DPP3: variants seen among roughly 807,000 people sequenced by gnomAD.
The protein encoded by DPP3 is DPP III.
Under a neutral mutation model 89.8 loss-of-function variants are expected in DPP3, and 64 were observed. The ratio of observed to expected loss-of-function variants is 0.71; its 90% CI spans 0.58 to 0.88. DPP3 has a LOEUF of 0.88. Ranked by LOEUF, DPP3 falls within the 40% of genes least tolerant of loss-of-function variation. DPP3 has a pLI of 0.00. For synonymous variants in DPP3, 377 were observed against 404.3 expected, an observed-to-expected ratio of 0.93 and a Z score of 0.81; for missense variants, 835 against 972.5, an observed-to-expected ratio of 0.86 and a Z score of 1.88.
At chr11:66,488,245 C>G (rs1222637393) in intron 6 of DPP3, among the ~76,000 whole-genome samples, 1 of 152,228 alleles carries the variant, frequency 6.6e-6, no homozygotes, top group Non-Finnish European at 1.5e-5. Flanking sequence ...GGTCTCAAGC[C>G]TACCCTGGAG....
In DPP3 at chr11:66,507,484, A is replaced by C. The variant is rs183762323; in HGVS notation, c.2042-1595A>C. 1.4e-3 allele frequency among the ~76,000 whole-genome samples: 215 copies of C among 151,880 alleles called. No individual in the cohort carries two copies. In the South Asian group the frequency reaches 0.017, roughly 12 times the overall value. On this transcript the variant is annotated intron_variant, in intron 17 of 17. Transcript: ENST00000531863. ...TCCATCTAAAAAAAAAAATAATAATAATAATCATCATCATAATCATACAAG... is the reference window on the plus strand; with the variant it reads ...TCCATCTAAAAAAAAAAATAATAATCATAATCATCATCATAATCATACAAG...
At chr11:66,508,600 G>A (rs139763492) in intron 17 of DPP3, among the ~76,000 whole-genome samples, 30 of 152,152 alleles carry the variant, frequency 2.0e-4, no homozygotes, top group African/African-American at 6.0e-4. Flanking sequence ...TCTGCTCACC[G>A]CAACCTCTGC....
intron 6 of DPP3, 143 bp from the exon 7 acceptor site, chr11:66,491,110 G>A (rs1168509277): frequency 1.6e-6 from 2 of 1,277,438 alleles, no homozygotes; most frequent in Non-Finnish European, 2.2e-6. Context: ...GCTCATGTCT[G>A]TTGGCTACAG....
intron 12 of DPP3, among the ~76,000 whole-genome samples, chr11:66,494,198 A>T (rs1278349166): frequency 1.3e-5 from 2 of 152,104 alleles, no homozygotes; most frequent in African/African-American, 4.8e-5. Flanking sequence ...ATACCTACCC[A>T]GGGAATATGG....
rs1855238510 is a variant in DPP3 at position 66,486,678 on chromosome 11, G to A, written c.498+1G>A. On this transcript the variant is annotated splice_donor_variant, in intron 4 of 17. Transcript: ENST00000531863. LOFTEE classifies it high-confidence loss of function. ...TCGACACCTCGGACTGGGGAAGGAG[G>A]TGAGGCCCCTGACTCCCCCGAGGGG... 6.6e-7 allele frequency: 1 copy of A among 1,514,888 alleles called. No individual in the cohort carries two copies. The highest frequency in any genetic ancestry group is 8.8e-7 in the Non-Finnish European group (1 of 1,130,064). The allele number at this position is 1,514,888 out of a possible 1,614,324, so 93.8% of individuals were successfully genotyped here. A position where few individuals can be genotyped will look rare whatever the true frequency, so the allele number is the denominator to read the frequency against.
intron 6 of DPP3, among the ~76,000 whole-genome samples, chr11:66,488,587 G>A (rs141859140): frequency 6.6e-6 from 1 of 151,122 alleles, no homozygotes; most frequent in Admixed American, 6.6e-5. Flanking sequence ...AAAAAAAAGA[G>A]GCTGGCCCTT....
At chr11:66,492,209 G>A (rs1178919097) in intron 9 of DPP3, among the ~76,000 whole-genome samples, 1 of 152,184 alleles carries the variant, frequency 6.6e-6, no homozygotes, top group South Asian at 2.1e-4. Context: ...CTCAGTGGCT[G>A]GAAGCAGGAT....
intron 11 of DPP3, 115 bp from the exon 12 acceptor site, chr11:66,493,426 G>A: frequency 1.8e-6 from 2 of 1,100,566 alleles, no homozygotes; most frequent in Admixed American, 4.7e-5. Flanking sequence ...AGCACAGTTG[G>A]CCTTTACCAA....
At position 66,495,193 on chromosome 11, in the gene DPP3, G is replaced by C. The variant is rs75604996; in HGVS notation, c.1390-13G>C. The C allele has an allele frequency of 3.7e-3, 5,951 of 1,612,228 alleles. 194 individuals carry two copies. In the African/African-American group the frequency reaches 0.07, roughly 19 times the overall value. On this transcript the variant is annotated splice_polypyrimidine_tract_variant and intron_variant, in intron 12 of 17. Coordinates refer to ENST00000531863, the MANE Select transcript of DPP3 (RefSeq NM_130443.4). ...TGGGGGCGCCTTTCCCTCACCCACC[G>C]TGTGTTCTGCAGGACGAAAAAGGAG...
chr11:66,493,388 T>C (rs1270033258), intron 11 of DPP3, among the ~76,000 whole-genome samples, 153 bp from the exon 12 acceptor site: 2 of 152,200 alleles, frequency 1.3e-5, no homozygotes, highest in African/African-American at 2.4e-5. Context: ...CCTGGGTTGT[T>C]GCAAGGATGA....
At chr11:66,497,781 C>G (rs935364732) in intron 16 of DPP3, among the ~76,000 whole-genome samples, 1 of 151,760 alleles carries the variant, frequency 6.6e-6, no homozygotes, top group Non-Finnish European at 1.5e-5. Flanking sequence ...GTTCCAGCTA[C>G]TCTGGAGGCG....
Position 66,485,170 on chromosome 11 carries a change from C to T in DPP3, c.271-3C>T, listed in dbSNP as rs376403879. 6 of 1,614,156 alleles carry T rather than the reference C, an allele frequency of 3.7e-6. No individual in the cohort carries two copies. The highest frequency in any genetic ancestry group is 5.1e-6 in the Non-Finnish European group (6 of 1,180,026). On this transcript the variant is annotated splice_polypyrimidine_tract_variant and splice_region_variant and intron_variant, in intron 2 of 17. Coordinates refer to ENST00000531863, the MANE Select transcript of DPP3 (RefSeq NM_130443.4). ...GGGTCTCTGATGCCTGCCTCCCCCT[C>T]AGGCGTTCCTGGTCTATGCCGCGGG...
chr11:66,499,479 A>T (rs1036893540), intron 16 of DPP3, among the ~76,000 whole-genome samples: 11 of 151,494 alleles, frequency 7.3e-5, no homozygotes, highest in Admixed American at 3.3e-4. Context: ...ATACAACAAG[A>T]TATTTTTAGG....
chr11:66,480,751 CG>C, intron 1 of DPP3: 1 of 351,180 alleles, frequency 2.8e-6, no homozygotes, highest in Non-Finnish European at 5.1e-6. Context: ...GAGAATGCCC[CG>C]GGTTGGGGAA....
intron 4 of DPP3, 87 bp from the exon 5 acceptor site, chr11:66,487,181 G>A: frequency 7.6e-7 from 1 of 1,312,832 alleles, no homozygotes. Context: ...TGAAAGGAGG[G>A]AGGGGCGGGA....
chr11:66,492,319 G>A, intron 9 of DPP3: 1 of 193,734 alleles, frequency 5.2e-6, no homozygotes, highest in African/African-American at 2.3e-5. Flanking sequence ...ACCTGTGCAA[G>A]GCAGGGCATC....
At position 66,482,312 on chromosome 11, in the gene DPP3, T is replaced by A; in HGVS notation, c.112T>A (p.Ser38Thr). 6.2e-7 allele frequency: 1 copy of A among 1,614,034 alleles called. No individual in the cohort carries two copies. The highest frequency in any genetic ancestry group is 8.5e-7 in the Non-Finnish European group (1 of 1,180,034). The change falls in exon 2 of 18, where the codon TCC (serine) becomes ACC (threonine). Residue 38 changes from serine to threonine, a missense_variant. Physicochemically the swap from Ser to Thr is moderately conservative, Grantham distance 58. Transcript: ENST00000531863. The stretch of plus-strand genomic sequence containing the variant: ...AGAGCGCCTCTATGCCTACCACCTG[T>A]CCCGTGCCGCCTGGTACGGAGGCCT... ...PTERLYAYHL[S>T]RAAWYGGLAV... is the part of the protein sequence containing the mutation.
rs1487444494 is a variant in DPP3, at chr11:66,497,300, C to G, written c.1701C>G (p.Ala567=). Residue 567 remains alanine, a splice_region_variant and synonymous_variant, in exon 16 of 18, where the codon GCC becomes GCG. Coordinates refer to ENST00000531863, the MANE Select transcript of DPP3 (RefSeq NM_130443.4). The stretch of plus-strand genomic sequence containing the variant: ...CTGTCTTTCCCCTGCTCCGGCAGGC[C>G]CATATGCAGGCCCGGTTTGTGATCC... ...YTPEAFNWRQ[A]HMQARFVILR... is the part of the protein sequence containing the mutation. 6.2e-7 allele frequency: 1 copy of G among 1,613,372 alleles called. No individual in the cohort carries two copies. The highest frequency in any genetic ancestry group is 1.3e-5 in the African/African-American group (1 of 74,922).
intron 16 of DPP3, among the ~76,000 whole-genome samples, chr11:66,504,157 G>C (rs1855745843): frequency 6.6e-6 from 1 of 151,150 alleles, no homozygotes; most frequent in African/African-American, 2.4e-5. Context: ...GACGAGACGG[G>C]GTCTCACTAT....
Sources: allele counts gnomAD v4.1 joint callset (sites outside exome capture counted in the v4.1 genomes callset), GRCh38; gene constraint gnomAD v4.1.1; transcripts MANE v1.5; gene names NCBI Gene and HGNC (gene_info 2026-07-23, HGNC 2026-07-21).